Variants in NCAM2 observed in about 807,000 individuals in gnomAD.
NCAM2 encodes the protein neural cell adhesion molecule 2, also known as N-CAM-2.
Under a neutral mutation model 98.1 loss-of-function variants are expected in NCAM2, and 30 were observed. The ratio of observed to expected loss-of-function variants is 0.31; its 90% CI spans 0.23 to 0.41. NCAM2 has a LOEUF of 0.41. Among genes scored for constraint, NCAM2 ranks in the 10% least tolerant of loss-of-function variants. NCAM2 has a pLI of 1.00. For synonymous variants in NCAM2, 368 were observed against 342.4 expected (o/e 1.07, Z -0.83); for missense variants, 867 against 1,005.8 (o/e 0.86, Z 1.87).
rs929275406 is a variant in NCAM2, at chr21:21,279,602, C to T, written c.56-976C>T. Among the ~76,000 whole-genome samples, 6 of 152,248 alleles carry T rather than the reference C, an allele frequency of 3.9e-5. No individual in the cohort carries two copies. The South Asian group carries it at 6.2e-4, about 16-fold the overall frequency. Reference sequence around the variant, plus strand: ...TCAAACTCCTGACCTTGTGATCTGCCGGCCTTGGCCTCCCAAAGTGCTGGG... The same window carrying T: ...TCAAACTCCTGACCTTGTGATCTGCTGGCCTTGGCCTCCCAAAGTGCTGGG... On this transcript the variant is annotated intron_variant, in intron 1 of 17. Coordinates refer to ENST00000400546, the MANE Select transcript of NCAM2 (RefSeq NM_004540.5).
At chr21:21,529,788 A>G (rs1489155506) in intron 16 of NCAM2, among the ~76,000 whole-genome samples, 1 of 151,772 alleles carries the variant, frequency 6.6e-6, no homozygotes, top group Non-Finnish European at 1.5e-5. Flanking sequence ...AACATAACAT[A>G]GTATTAGTGT....
intron 10 of NCAM2, among the ~76,000 whole-genome samples, chr21:21,410,939 G>A (rs1207132147): frequency 2.1e-5 from 3 of 144,398 alleles, no homozygotes; most frequent in Non-Finnish European, 4.5e-5. Context: ...CTTGGGAGGT[G>A]GAGGTTGCAG....
At chr21:21,319,158 T>C (rs1488906833) in intron 5 of NCAM2, among the ~76,000 whole-genome samples, 2 of 152,076 alleles carry the variant, frequency 1.3e-5, no homozygotes, top group East Asian at 3.9e-4. Flanking sequence ...CACAGTCAGC[T>C]CTTCATATTC....
chr21:21,365,237 G>A (rs2075756016), intron 8 of NCAM2, among the ~76,000 whole-genome samples: 1 of 63,498 alleles, frequency 1.6e-5, no homozygotes, highest in Non-Finnish European at 3.1e-5. Context: ...ATTGCTTAGT[G>A]CGTGTGTGTG....
intron 5 of NCAM2, among the ~76,000 whole-genome samples, chr21:21,301,754 C>G (rs1281389248): frequency 6.6e-6 from 1 of 151,216 alleles, no homozygotes; most frequent in Non-Finnish European, 1.5e-5. Flanking sequence ...CATGGTGTAA[C>G]AAATTTACAA....
chr21:21,382,515 GGATT>G (rs2076176344), intron 9 of NCAM2, among the ~76,000 whole-genome samples: 2 of 142,340 alleles, frequency 1.4e-5, no homozygotes, highest in Admixed American at 7.0e-5. Context: ...TTTATTTCAG[GGATT>G]TTTTTTTTTT....
At chr21:21,486,004 T>G (rs1986318613) in intron 15 of NCAM2, among the ~76,000 whole-genome samples, 1 of 151,932 alleles carries the variant, frequency 6.6e-6, no homozygotes, top group African/African-American at 2.4e-5. Context: ...CATCAACCGA[T>G]AAAACACACT....
At position 21,541,737 on chromosome 21, in the gene NCAM2, A is replaced by T. The variant is rs1359899611; in HGVS notation, c.*3780A>T. ...ATTAGTTAATTTAGGAAATATTGGAATAGCATATTATAATTATTTATGAGG... is the reference window on the plus strand; with the variant it reads ...ATTAGTTAATTTAGGAAATATTGGATTAGCATATTATAATTATTTATGAGG... On this transcript the variant is annotated 3_prime_UTR_variant, in exon 18 of 18. Transcript: ENST00000400546. 1 of 151,808 alleles carries T rather than the reference A, an allele frequency of 6.6e-6. No homozygotes were observed. The highest frequency in any genetic ancestry group is 2.4e-5 in the African/African-American group (1 of 41,418). 9.4% of individuals were successfully genotyped at this position (151,808 alleles called of 1,614,324 possible).
intron 9 of NCAM2, among the ~76,000 whole-genome samples, chr21:21,384,329 T>G (rs2076218172): frequency 6.6e-6 from 1 of 151,882 alleles, no homozygotes; most frequent in Non-Finnish European, 1.5e-5. Context: ...ATCTAACCTA[T>G]GCTTGATGAA....
intron 1 of NCAM2, among the ~76,000 whole-genome samples, chr21:21,105,502 G>A (rs1272859460): frequency 6.6e-6 from 1 of 151,696 alleles, no homozygotes; most frequent in Non-Finnish European, 1.5e-5. Flanking sequence ...CATAAATATG[G>A]GTATCCTTCA....
intron 10 of NCAM2, among the ~76,000 whole-genome samples, chr21:21,412,025 A>G (rs2076896865): frequency 1.3e-5 from 2 of 152,256 alleles, no homozygotes; most frequent in Admixed American, 1.3e-4. Context: ...AGCTCAGGTT[A>G]GATTTAACTT....
chr21:21,513,866 G>A (rs977422165), intron 16 of NCAM2, among the ~76,000 whole-genome samples: 3 of 151,934 alleles, frequency 2.0e-5, no homozygotes, highest in Admixed American at 6.6e-5. Context: ...ATATATCAAG[G>A]TTTTCCAATG....
At chr21:21,197,037 A>C (rs988332998) in intron 1 of NCAM2, among the ~76,000 whole-genome samples, 1 of 152,152 alleles carries the variant, frequency 6.6e-6, no homozygotes, top group Non-Finnish European at 1.5e-5. Context: ...AAGCTCGCTG[A>C]GACCTCCCCA....
intron 11 of NCAM2, among the ~76,000 whole-genome samples, chr21:21,430,149 C>G (rs2077300397): frequency 1.3e-5 from 2 of 152,024 alleles, no homozygotes; most frequent in South Asian, 4.2e-4. Context: ...CTGCTTCAGC[C>G]TCCCAAGCAG....
chr21:21,206,068 T>C (rs2069426319), intron 1 of NCAM2, among the ~76,000 whole-genome samples: 2 of 152,136 alleles, frequency 1.3e-5, no homozygotes, highest in African/African-American at 4.8e-5. Flanking sequence ...ACTTATTCAA[T>C]TTCATCTCTT....
rs61586915 is a variant in NCAM2, at chr21:21,351,117, C to CAA, written c.1044+12607_1044+12608dup. Among the ~76,000 whole-genome samples, 698 of 83,648 alleles carry CAA rather than the reference C, an allele frequency of 8.3e-3. 44 individuals carry two copies. The highest frequency in any genetic ancestry group is 0.011 in the African/African-American group (224 of 20,252). 54.9% of individuals were successfully genotyped at this position (83,648 alleles called of 152,430 possible). A position where few individuals can be genotyped will look rare whatever the true frequency, so the allele number is the denominator to read the frequency against. On this transcript the variant is annotated intron_variant, in intron 8 of 17. Coordinates refer to ENST00000400546, the MANE Select transcript of NCAM2 (RefSeq NM_004540.5). ...AGACAGAGAGAGCGAGACTCTGTCT[C>CAA]AAAAAAAAAAAAAAAAAAAAAAAAA...
At chr21:21,008,814 G>A (rs2064155094) in intron 1 of NCAM2, among the ~76,000 whole-genome samples, 2 of 152,092 alleles carry the variant, frequency 1.3e-5, no homozygotes. Context: ...ACTTAGAACT[G>A]TTAATACTTT....
intron 1 of NCAM2, among the ~76,000 whole-genome samples, chr21:21,235,991 A>G (rs1422946031): frequency 3.3e-5 from 5 of 152,072 alleles, no homozygotes; most frequent in Non-Finnish European, 7.4e-5. Flanking sequence ...GTACTTACTG[A>G]GTTAATGAAT....
At chr21:21,498,756 C>G (rs943425337) in intron 15 of NCAM2, among the ~76,000 whole-genome samples, 1 of 152,046 alleles carries the variant, frequency 6.6e-6, no homozygotes, top group East Asian at 1.9e-4. Flanking sequence ...TTGTAACAAT[C>G]TTTTAAAAGT....
Sources: gnomAD v4.1 joint callset for allele counts (sites outside exome capture counted in the v4.1 genomes callset) on GRCh38, gnomAD v4.1.1 for gene constraint, MANE v1.5 for transcripts, NCBI Gene and HGNC (gene_info 2026-07-23, HGNC 2026-07-21) for gene names.